Variants in KIF6 observed in about 807,000 individuals in gnomAD.
KIF6 encodes kinesin-like protein KIF6.
In KIF6, 106 loss-of-function variants were observed where a neutral mutation model predicts 112.7. That is an observed-to-expected ratio of 0.94 (90% CI 0.80 to 1.11). The LOEUF is 1.11. KIF6 is among the 50% of genes least tolerant of loss of function. The pLI is 0.00. For missense variants in KIF6, 929 were observed against 964.0 expected, an observed-to-expected ratio of 0.96 and a Z score of 0.48; for synonymous variants, 339 against 339.9, an observed-to-expected ratio of 1.00 and a Z score of 0.03.
At chr6:39,626,983 A>G (rs1165710258) in intron 5 of KIF6, among the ~76,000 whole-genome samples, 1 of 152,074 alleles carries the variant, frequency 6.6e-6, no homozygotes, top group Admixed American at 6.6e-5. Context: ...CCAGTCCTAC[A>G]CACTACTAAC....
intron 13 of KIF6, among the ~76,000 whole-genome samples, chr6:39,457,439 C>G (rs1368565436): frequency 3.7e-4 from 53 of 143,032 alleles, no homozygotes; most frequent in African/African-American, 1.4e-3. Flanking sequence ...AAATTGACAC[C>G]CTAACATCAC....
chr6:39,481,261 G>C (rs1221348062), intron 13 of KIF6, among the ~76,000 whole-genome samples: 1 of 151,808 alleles, frequency 6.6e-6, no homozygotes, highest in Non-Finnish European at 1.5e-5. Context: ...GGTGTGTAGA[G>C]TGTCAGGTGG....
At position 39,391,016 on chromosome 6, in the gene KIF6, C is replaced by T. The variant is rs73735524; in HGVS notation, c.1811-5344G>A. Among the ~76,000 whole-genome samples the T allele has an allele frequency of 1.4e-3, 211 of 152,312 alleles. 1 individual carries two copies. The highest frequency in any genetic ancestry group is 4.9e-3 in the African/African-American group (202 of 41,556). ...ACCTTAAAATCAGACATATTCATGT[C>T]CCCCTTGCTAATATATATTTCATCA... On this transcript the variant is annotated intron_variant, in intron 15 of 22. Coordinates refer to ENST00000287152, the MANE Select transcript of KIF6 (RefSeq NM_145027.6).
chr6:39,683,067 G>C (rs1255971091), intron 3 of KIF6, among the ~76,000 whole-genome samples: 1 of 152,240 alleles, frequency 6.6e-6, no homozygotes, highest in African/African-American at 2.4e-5. Flanking sequence ...GAAAGGAAAA[G>C]GTAGGTCTGA....
At chr6:39,598,133 G>A (rs977313350) in intron 6 of KIF6, among the ~76,000 whole-genome samples, 7 of 152,184 alleles carry the variant, frequency 4.6e-5, no homozygotes, top group Non-Finnish European at 7.3e-5. Context: ...GTTGCAGTGA[G>A]CCAAGATAAT....
intron 3 of KIF6, 93 bp from the exon 4 acceptor site, chr6:39,639,850 CTA>C: frequency 9.1e-7 from 1 of 1,097,658 alleles, no homozygotes; most frequent in Admixed American, 2.7e-5. Context: ...TTATTAAACA[CTA>C]TTAAAAAAAC....
chr6:39,379,870 C>T (rs779978356), intron 16 of KIF6, among the ~76,000 whole-genome samples: 7 of 152,144 alleles, frequency 4.6e-5, no homozygotes, highest in East Asian at 1.9e-4. Flanking sequence ...GCATCCACAG[C>T]GGAGCAAAGT....
At chr6:39,653,420 T>C (rs1263435168) in intron 3 of KIF6, among the ~76,000 whole-genome samples, 1 of 152,168 alleles carries the variant, frequency 6.6e-6, no homozygotes, top group Non-Finnish European at 1.5e-5. Context: ...GAATTACTAA[T>C]CTTTTTAAGG....
intron 15 of KIF6, among the ~76,000 whole-genome samples, chr6:39,400,341 C>T (rs1768598979): frequency 6.6e-6 from 1 of 152,200 alleles, no homozygotes. Context: ...TGATTATATT[C>T]CTAACTCATG....
intron 6 of KIF6, among the ~76,000 whole-genome samples, chr6:39,612,067 AAAC>A (rs1244383786): frequency 6.6e-6 from 1 of 152,194 alleles, no homozygotes; most frequent in African/African-American, 2.4e-5. Flanking sequence ...CAAAACTGGT[AAAC>A]AACTGTGACA....
intron 7 of KIF6, among the ~76,000 whole-genome samples, chr6:39,588,439 TC>T (rs1781754861): frequency 1.3e-5 from 2 of 152,118 alleles, no homozygotes; most frequent in African/African-American, 4.8e-5. Flanking sequence ...GGTCTCAAAC[TC>T]CTGGCTCCAG....
chr6:39,689,419 G>T (rs1002581031), intron 3 of KIF6, among the ~76,000 whole-genome samples: 1 of 151,798 alleles, frequency 6.6e-6, no homozygotes, highest in African/African-American at 2.4e-5. Context: ...TCGCCTGAGC[G>T]TGGGGAGGCT....
At chr6:39,414,905 C>G (rs1282423349) in intron 15 of KIF6, among the ~76,000 whole-genome samples, 3 of 151,892 alleles carry the variant, frequency 2.0e-5, no homozygotes, top group Admixed American at 6.6e-5. Flanking sequence ...AAAAAAAAAT[C>G]TGGCCAGGTG....
chr6:39,625,517 C>G (rs976020206), intron 5 of KIF6, among the ~76,000 whole-genome samples: 2 of 152,086 alleles, frequency 1.3e-5, no homozygotes, highest in African/African-American at 2.4e-5. Flanking sequence ...GAAAGCACCC[C>G]CAACTCCTCA....
At chr6:39,559,104 T>G (rs1162463107) in intron 10 of KIF6, among the ~76,000 whole-genome samples, 1 of 152,184 alleles carries the variant, frequency 6.6e-6, no homozygotes, top group Non-Finnish European at 1.5e-5. Context: ...GTGAATTATA[T>G]TTCATGAATG....
intron 6 of KIF6, among the ~76,000 whole-genome samples, chr6:39,600,912 T>C (rs1782531338): frequency 6.6e-6 from 1 of 152,178 alleles, no homozygotes; most frequent in South Asian, 2.1e-4. Context: ...ATTTTGATTT[T>C]CATGTTTCTA....
intron 10 of KIF6, among the ~76,000 whole-genome samples, chr6:39,567,129 G>C (rs1163752973): frequency 6.6e-6 from 1 of 152,172 alleles, no homozygotes; most frequent in Non-Finnish European, 1.5e-5. Context: ...AAATGAAGTA[G>C]ATTCCTCAGC....
At chr6:39,454,428 T>C (rs1009926966) in intron 13 of KIF6, among the ~76,000 whole-genome samples, 9 of 141,866 alleles carry the variant, frequency 6.3e-5, no homozygotes, top group African/African-American at 2.4e-4. Flanking sequence ...TTTCCAGAAA[T>C]AATAAATATG....
chr6:39,439,491 G>C (rs757086180), intron 13 of KIF6, among the ~76,000 whole-genome samples: 5 of 152,138 alleles, frequency 3.3e-5, no homozygotes, highest in Non-Finnish European at 7.3e-5. Context: ...TCCAAAAGAC[G>C]ACATTGCAAT....
Sources: gnomAD v4.1 joint callset for allele counts (sites outside exome capture counted in the v4.1 genomes callset) on GRCh38, gnomAD v4.1.1 for gene constraint, MANE v1.5 for transcripts, NCBI Gene and HGNC (gene_info 2026-07-23, HGNC 2026-07-21) for gene names.